SORBS2: variants seen among roughly 807,000 people sequenced by gnomAD.
SORBS2 encodes sorbin and SH3 domain containing 2, also known as sorbin and SH3 domain-containing protein 2.
Under a neutral mutation model 97.7 loss-of-function variants are expected in SORBS2, and 46 were observed. The ratio of observed to expected loss-of-function variants is 0.47; its 90% CI spans 0.37 to 0.60. SORBS2 has a LOEUF of 0.60. Among genes scored for constraint, SORBS2 ranks in the 20% least tolerant of loss-of-function variants. SORBS2 has a pLI of 0.00. For synonymous variants in SORBS2, 476 were observed against 473.4 expected (o/e 1.01, Z -0.07); for missense variants, 1,316 against 1,282.3 (o/e 1.03, Z -0.40).
chr4:185,910,960 TA>T (rs905937534), intron 1 of SORBS2, among the ~76,000 whole-genome samples: 5 of 150,420 alleles, frequency 3.3e-5, no homozygotes, highest in East Asian at 3.9e-4. Context: ...TTTGATTTTT[TA>T]AAAAAAAAAA....
intron 1 of SORBS2, among the ~76,000 whole-genome samples, chr4:185,837,660 G>A (rs1378089894): frequency 1.3e-5 from 2 of 152,126 alleles, no homozygotes; most frequent in African/African-American, 2.4e-5. Context: ...CCTGCAGTGA[G>A]GTCGTTTCAT....
chr4:185,626,395 T>A (rs925804817), intron 6 of SORBS2, among the ~76,000 whole-genome samples: 5 of 152,228 alleles, frequency 3.3e-5, no homozygotes, highest in African/African-American at 1.2e-4. Flanking sequence ...AATAATTTTT[T>A]AAAACCCTCC....
rs1561476233 is a variant in SORBS2, at chr4:185,623,239, A to G, written c.1890T>C (p.Ser630=). The G allele has an allele frequency of 2.5e-6, 4 of 1,614,130 alleles. No homozygotes were observed. The highest frequency in any genetic ancestry group is 2.5e-6 in the Non-Finnish European group (3 of 1,180,024). The change falls in exon 7 of 15, where the codon TCT becomes TCC. Residue 630 remains serine (S), a synonymous_variant. Coordinates refer to ENST00000418609, the Ensembl canonical transcript of SORBS2. The surrounding 1 kb of genome is among the most constrained non-coding windows in gnomAD (Gnocchi z 6.4). The stretch of plus-strand genomic sequence containing the variant: ...GGGCAGAGTCCAGAGCCTCAAACAC[A>G]GATGCTTTACATTTTGCCTTTTCAG...
intron 2 of SORBS2, among the ~76,000 whole-genome samples, chr4:185,725,701 TTAA>T (rs2098550280): frequency 6.6e-6 from 1 of 152,362 alleles, no homozygotes; most frequent in South Asian, 2.1e-4. Context: ...TTCTGTCGTT[TTAA>T]TTTTATTTTA....
At chr4:185,797,788 G>T (rs1422082479) in intron 1 of SORBS2, among the ~76,000 whole-genome samples, 1 of 152,044 alleles carries the variant, frequency 6.6e-6, no homozygotes, top group Non-Finnish European at 1.5e-5. Context: ...CCCCACGCCC[G>T]GTTCTCCCTA....
chr4:185,894,846 G>A (rs2099244234), intron 1 of SORBS2, among the ~76,000 whole-genome samples: 1 of 152,156 alleles, frequency 6.6e-6, no homozygotes, highest in Non-Finnish European at 1.5e-5. Flanking sequence ...GAGAATGAAG[G>A]AGGCCTGGAG....
chr4:185,614,353 G>A (rs1442856293), intron 11 of SORBS2, among the ~76,000 whole-genome samples: 1 of 151,712 alleles, frequency 6.6e-6, no homozygotes, highest in Non-Finnish European at 1.5e-5. Context: ...GATGATCCAG[G>A]GAAGAGCACT....
chr4:185,681,910 T>C (rs1449994600), intron 2 of SORBS2, among the ~76,000 whole-genome samples: 2 of 152,220 alleles, frequency 1.3e-5, no homozygotes, highest in Non-Finnish European at 2.9e-5. Flanking sequence ...TTAACTGATA[T>C]GCTCTATTGA....
rs1012997158 is a variant in SORBS2 at position 185,859,380 on chromosome 4, C to G, written c.-337-84014G>C. Among the ~76,000 whole-genome samples, 17 of 152,166 alleles carry G rather than the reference C, an allele frequency of 1.1e-4. No individual in the cohort carries two copies. In the East Asian group the frequency reaches 3.3e-3, roughly 29 times the overall value. On this transcript the variant is annotated intron_variant, in intron 1 of 20. Transcript: ENST00000284776. ...GCTCCTCCACGCTGTGCCTGCCTCT[C>G]TCTTATCTCTTAATCCACTTCCCTC...
intron 1 of SORBS2, among the ~76,000 whole-genome samples, chr4:185,851,486 T>A (rs2099217860): frequency 6.6e-6 from 1 of 152,172 alleles, no homozygotes; most frequent in South Asian, 2.1e-4. Flanking sequence ...CCTTTTGGGA[T>A]TTTTTTAAAA....
chr4:185,919,770 T>C (rs7680928), intron 1 of SORBS2, among the ~76,000 whole-genome samples: 9,753 of 152,324 alleles, frequency 0.064, 339 homozygotes, highest in African/African-American at 0.11. Context: ...AGTAATCTCT[T>C]ATCTTCTCTT....
At chr4:185,756,259 T>A (rs571458107) in intron 2 of SORBS2, among the ~76,000 whole-genome samples, 30 of 152,342 alleles carry the variant, frequency 2.0e-4, no homozygotes, top group African/African-American at 6.7e-4. Flanking sequence ...CACGTAACTC[T>A]GTAAAATTTA....
intron 1 of SORBS2, among the ~76,000 whole-genome samples, chr4:185,899,528 C>A (rs73021805): frequency 6.6e-6 from 1 of 152,102 alleles, no homozygotes; most frequent in Admixed American, 6.5e-5. Context: ...TGGGTTTAAG[C>A]GATCCTCCCC....
intron 1 of SORBS2, among the ~76,000 whole-genome samples, chr4:185,839,061 T>C (rs1458691585): frequency 6.6e-6 from 1 of 152,202 alleles, no homozygotes; most frequent in Non-Finnish European, 1.5e-5. Flanking sequence ...CACTGCACGA[T>C]GTTATTTTGC....
At position 185,806,465 on chromosome 4, in the gene SORBS2, T is replaced by G. The variant is rs1411318668; in HGVS notation, c.-337-31099A>C. ...TTTTTTTTTTTTTTTTTTTTTTTTT[T>G]TTTTTTTTTTGAGACGGAGTCTCGC... On this transcript the variant is annotated intron_variant, in intron 1 of 20. Transcript: ENST00000284776. Among the ~76,000 whole-genome samples the G allele has an allele frequency of 1.7e-3, 43 of 25,256 alleles. 2 individuals are homozygous for G. The South Asian group carries it at 0.022, about 13-fold the overall frequency. 16.6% of individuals were successfully genotyped at this position (25,256 alleles called of 152,430 possible).
At chr4:185,866,223 G>C (rs188997907) in intron 1 of SORBS2, among the ~76,000 whole-genome samples, 14 of 152,324 alleles carry the variant, frequency 9.2e-5, no homozygotes. Flanking sequence ...CCAGTGCTGA[G>C]ATTAAATGTG....
chr4:185,671,183 C>T (rs1275868540), intron 4 of SORBS2, among the ~76,000 whole-genome samples: 1 of 152,150 alleles, frequency 6.6e-6, no homozygotes, highest in Non-Finnish European at 1.5e-5. Context: ...ATACTCCCCA[C>T]CCAAGAGCTG....
At chr4:185,598,642 C>A (rs2096177812) in intron 12 of SORBS2, among the ~76,000 whole-genome samples, 2 of 152,166 alleles carry the variant, frequency 1.3e-5, no homozygotes, top group South Asian at 4.1e-4. Flanking sequence ...GCAATATAAG[C>A]AGTGCTAAAG....
At chr4:185,697,932 A>G (rs2098201172) in intron 2 of SORBS2, among the ~76,000 whole-genome samples, 1 of 152,238 alleles carries the variant, frequency 6.6e-6, no homozygotes, top group African/African-American at 2.4e-5. Context: ...ATTGAAATAT[A>G]AAAATCATCT....
Sources: allele counts gnomAD v4.1 joint callset (sites outside exome capture counted in the v4.1 genomes callset), GRCh38; gene constraint gnomAD v4.1.1; non-coding constraint Gnocchi (gnomAD v3.1); transcripts MANE v1.5; gene names NCBI Gene and HGNC (gene_info 2026-07-23, HGNC 2026-07-21).